PDX1: variants seen among roughly 807,000 people sequenced by gnomAD.
PDX1 encodes the protein pancreatic and duodenal homeobox 1.
In PDX1, 7 loss-of-function variants were observed where a neutral mutation model predicts 11.1. The ratio of observed to expected loss-of-function variants is 0.63; its 90% confidence interval spans 0.36 to 1.19. PDX1 has a LOEUF of 1.19. Ranked by LOEUF, PDX1 falls within the 50% of genes most tolerant of loss-of-function variation. The pLI, the probability that PDX1 is intolerant of heterozygous loss-of-function variation, is 0.02. For synonymous variants in PDX1, 232 were observed against 196.2 expected (o/e 1.18, Z -1.53); for missense variants, 449 against 412.1 (o/e 1.09, Z -0.78).
intron 1 of PDX1, among the ~76,000 whole-genome samples, chr13:27,921,444 C>G (rs1957786620): frequency 1.3e-5 from 2 of 152,360 alleles, no homozygotes; most frequent in Admixed American, 6.5e-5. Flanking sequence ...CGGCCCCGCG[C>G]GAGCGGCAAG....
Position 27,920,430 on chromosome 13 carries a change from G to T in PDX1, c.292G>T (p.Gly98Trp). The change falls in exon 1 of 2, where the codon GGG becomes TGG. Residue 98 changes from glycine (G) to tryptophan (W), a missense_variant. Gly to Trp is a radical substitution (Grantham distance 184). Transcript: ENST00000381033. Reference protein sequence around the residue: ...AQLALPHPPAGPFPEGAEPGV... With the variant: ...AQLALPHPPAWPFPEGAEPGV... ...GCTCGCGCTCCCCCACCCGCCCGCC[G>T]GGCCCTTCCCGGAGGGAGCCGAGCC... The T allele has an allele frequency of 6.3e-7, 1 of 1,576,542 alleles. No homozygotes were observed. Among genetic ancestry groups the T allele is most frequent in the Non-Finnish European group, 8.6e-7 (1 of 1,161,354 alleles).
At chr13:27,920,592 C>G (rs745673876) in intron 1 of PDX1, 48 bp downstream of exon 1, 2 of 1,591,862 alleles carry the variant, frequency 1.3e-6, no homozygotes, top group Non-Finnish European at 8.6e-7. Flanking sequence ...CTCACCCGGC[C>G]GCCTTACCTC....
intron 1 of PDX1, among the ~76,000 whole-genome samples, chr13:27,922,986 G>A (rs1957798804): frequency 6.6e-6 from 1 of 152,236 alleles, no homozygotes; most frequent in African/African-American, 2.4e-5. Context: ...TTCTCGACCT[G>A]GGGGGAAACC....
chr13:27,920,208 C>G lies in PDX1; in HGVS notation c.70C>G (p.Pro24Ala). Residue 24 changes from proline (P) to alanine (A), a missense_variant, in exon 1 of 2, where the codon CCG becomes GCG. This residue lies in a region of PDX1 where 263 missense variants were observed against 212.5 expected (regional missense o/e 1.24). Transcript: ENST00000381033. ...GGACCCATGCGCGTTCCAGCGAGGC[C>G]CGGCGCCGGAGTTCAGCGCCAGCCC... The part of the protein sequence containing the change: ...YKDPCAFQRG[P>A]APEFSASPPA... 2 of 1,549,438 alleles carry G rather than the reference C, an allele frequency of 1.3e-6. No homozygotes were observed. The highest frequency in any genetic ancestry group is 1.7e-6 in the Non-Finnish European group (2 of 1,146,502).
Position 27,924,823 on chromosome 13 carries a change from GCCCA to G in PDX1, c.*125_*128del. On this transcript the variant is annotated 3_prime_UTR_variant, in exon 2 of 2. Coordinates refer to ENST00000381033, the MANE Select transcript of PDX1 (RefSeq NM_000209.4). This position sits in a 1 kb window ranked among gnomAD's most constrained non-coding sequence, Gnocchi z 4.8. ...AGTTGAATGGGGCGGCAATTGCGGG[GCCCA>G]CCTTAGACCGAAGGGGAAAACCCGC... The G allele has an allele frequency of 2.4e-6, 2 of 832,308 alleles. No individual in the cohort carries two copies. Among genetic ancestry groups the G allele is most frequent in the Non-Finnish European group, 3.3e-6 (2 of 605,554 alleles). The allele number at this position is 832,308 out of a possible 1,614,324, so 51.6% of individuals were successfully genotyped here.
At position 27,920,046 on chromosome 13, in the gene PDX1, T is replaced by A; in HGVS notation, c.-93T>A. ...AAGCGAGCAGGGGTGGCGCCGGGAG[T>A]GGGAACGCCACACAGTGCCAAATCC... On this transcript the variant is annotated 5_prime_UTR_variant, in exon 1 of 2. Coordinates refer to ENST00000381033, the MANE Select transcript of PDX1 (RefSeq NM_000209.4). 1 of 1,468,360 alleles carries A rather than the reference T, an allele frequency of 6.8e-7. No homozygotes were observed. Among genetic ancestry groups the A allele is most frequent in the South Asian group, 1.2e-5 (1 of 82,296 alleles). 91.0% of individuals were successfully genotyped at this position (1,468,360 alleles called of 1,614,324 possible).
rs371525768 is a variant in PDX1, at chr13:27,924,546, G to T, written c.697G>T (p.Glu233Ter). ...GCAGGACTGCGCCGTGACCTCCGGC[G>T]AGGAGCTTCTGGCGCTGCCGCCGCC... ...PEQDCAVTSG[E>*]ELLALPPPPP... Residue 233 changes from glutamate (E) to a stop codon, truncating the protein, a stop_gained, in exon 2 of 2, where the codon GAG (glutamate) becomes TAG (stop). Coordinates refer to ENST00000381033, the MANE Select transcript of PDX1 (RefSeq NM_000209.4). LOFTEE classifies it low-confidence loss of function (END_TRUNC). The surrounding 1 kb of genome is among the most constrained non-coding windows in gnomAD (Gnocchi z 4.8). 60 of 1,577,248 alleles carry T rather than the reference G, an allele frequency of 3.8e-5. No individual in the cohort carries two copies. The highest frequency in any genetic ancestry group is 5.0e-5 in the Non-Finnish European group (58 of 1,164,106).
rs1375644348 is a variant in PDX1, at chr13:27,924,599, C to T, written c.750C>T (p.Pro250=). Residue 250 remains proline, a synonymous_variant, in exon 2 of 2, where the codon CCC becomes CCT. Coordinates refer to ENST00000381033, the MANE Select transcript of PDX1 (RefSeq NM_000209.4). This position sits in a 1 kb window ranked among gnomAD's most constrained non-coding sequence, Gnocchi z 4.8. The part of the protein sequence containing the change: ...PPPPPGGAVP[P]AAPVAAREGR... ...CGCCCCCCGGAGGTGCTGTGCCGCC[C>T]GCTGCCCCCGTTGCCGCCCGAGAGG... 1.4e-5 allele frequency: 20 copies of T among 1,462,430 alleles called. No individual in the cohort carries two copies. The highest frequency in any genetic ancestry group is 1.7e-5 in the Non-Finnish European group (19 of 1,112,964). The allele number at this position is 1,462,430 out of a possible 1,614,324, so 90.6% of individuals were successfully genotyped here. A position where few individuals can be genotyped will look rare whatever the true frequency, so the allele number is the denominator to read the frequency against.
chr13:27,922,200 G>GAAGCCAGAAAGTA (rs774943451), intron 1 of PDX1, among the ~76,000 whole-genome samples: 25 of 152,368 alleles, frequency 1.6e-4, no homozygotes, highest in Admixed American at 3.3e-4. Context: ...GCTGACCCAA[G>GAAGCCAGAAAGTA]AAGCCAGAAA....
intron 1 of PDX1, 24 bp downstream of exon 1, chr13:27,920,568 T>C: frequency 6.2e-7 from 1 of 1,612,088 alleles, no homozygotes; most frequent in Non-Finnish European, 8.5e-7. Flanking sequence ...CCCACCCCTT[T>C]CTCCTTTCCG....
Position 27,920,307 on chromosome 13 carries a change from C to T in PDX1, c.169C>T (p.Leu57=). ...CCCGTTCCCTGGCGCCCTGGGCGCG[C>T]TGGAGCAGGGCAGCCCCCCGGACAT... ...PHPFPGALGA[L]EQGSPPDISP... Residue 57 remains leucine (L), a synonymous_variant, in exon 1 of 2, where the codon CTG becomes TTG. Coordinates refer to ENST00000381033, the MANE Select transcript of PDX1 (RefSeq NM_000209.4). 6.5e-7 allele frequency: 1 copy of T among 1,539,290 alleles called. No homozygotes were observed.
In PDX1 at chr13:27,920,719, G is replaced by C. The variant is rs144676231; in HGVS notation, c.406+175G>C. Among the ~76,000 whole-genome samples the C allele has an allele frequency of 1.7e-3, 263 of 152,328 alleles. 2 individuals carry two copies. The highest frequency in any genetic ancestry group is 6.8e-3 in the Middle Eastern group (2 of 294). The stretch of plus-strand genomic sequence containing the variant: ...CTCACAGCAGTGCTTCTCTAGTCCA[G>C]TTTGAAGCATCTTTCCCACCCAGCT... On this transcript the variant is annotated intron_variant, in intron 1 of 1. Coordinates refer to ENST00000381033, the MANE Select transcript of PDX1 (RefSeq NM_000209.4).
intron 1 of PDX1, among the ~76,000 whole-genome samples, chr13:27,921,567 C>T (rs957436450): frequency 2.0e-5 from 3 of 152,200 alleles, no homozygotes; most frequent in African/African-American, 7.2e-5. Context: ...AACTGGCAGC[C>T]GGGAGTAGGG....
At position 27,924,763 on chromosome 13, in the gene PDX1, T is replaced by C. The variant is rs1234487424; in HGVS notation, c.*62T>C. ...ACTCGCCGAGGAGGAGCAGAGGGCCTAGGAGGACCCCGGGCGTGGACCACC... is the reference window on the plus strand; with the variant it reads ...ACTCGCCGAGGAGGAGCAGAGGGCCCAGGAGGACCCCGGGCGTGGACCACC... On this transcript the variant is annotated 3_prime_UTR_variant, in exon 2 of 2. Transcript: ENST00000381033. The surrounding 1 kb of genome is among the most constrained non-coding windows in gnomAD (Gnocchi z 4.8). The C allele has an allele frequency of 1.5e-6, 2 of 1,321,370 alleles. No homozygotes were observed. Among genetic ancestry groups the C allele is most frequent in the East Asian group, 6.2e-5 (2 of 32,088 alleles). The allele number at this position is 1,321,370 out of a possible 1,614,324, so 81.9% of individuals were successfully genotyped here.
At chr13:27,923,460 T>C (rs1957801950) in intron 1 of PDX1, among the ~76,000 whole-genome samples, 1 of 152,206 alleles carries the variant, frequency 6.6e-6, no homozygotes, top group Admixed American at 6.5e-5. Flanking sequence ...AGAACAATAT[T>C]CCTTCACTTC....
At position 27,920,265 on chromosome 13, in the gene PDX1, C is replaced by T; in HGVS notation, c.127C>T (p.Pro43Ser). 2.0e-6 allele frequency: 3 copies of T among 1,516,094 alleles called. No individual in the cohort carries two copies. Among genetic ancestry groups the T allele is most frequent in the East Asian group, 2.6e-5 (1 of 39,064 alleles). 93.9% of individuals were successfully genotyped at this position (1,516,094 alleles called of 1,614,324 possible). Residue 43 changes from proline to serine, a missense_variant, in exon 1 of 2, where the codon CCG becomes TCG. Physicochemically the swap from Pro to Ser is moderately conservative, Grantham distance 74. Transcript: ENST00000381033. ...PACLYMGRQP[P>S]PPPPHPFPGA... is the part of the protein sequence containing the mutation. ...GTGCCTGTACATGGGCCGCCAGCCC[C>T]CGCCGCCGCCGCCGCACCCGTTCCC... is the stretch of plus-strand genomic sequence containing the variant.
rs1957808457 is a variant in PDX1 at position 27,924,293 on chromosome 13, GACGCGCACGGCCTACAC to G, written c.445_461del (p.Thr149AlafsTer70). On this transcript the variant is annotated frameshift_variant, in exon 2 of 2. Transcript: ENST00000381033. LOFTEE classifies it low-confidence loss of function (END_TRUNC). The surrounding 1 kb of genome is among the most constrained non-coding windows in gnomAD (Gnocchi z 4.8). ...CTGCGGAGCCGGAGGAGAACAAGCG[GACGCGCACGGCCTACAC>G]GCGCGCACAGCTGCTAGAGCTGGAG... 6.2e-7 allele frequency: 1 copy of G among 1,609,726 alleles called. No homozygotes were observed. The highest frequency in any genetic ancestry group is 1.7e-5 in the Admixed American group (1 of 59,908).
In PDX1 at chr13:27,920,593, G is replaced by A. The variant is rs1431528568; in HGVS notation, c.406+49G>A. 1.9e-6 allele frequency: 3 copies of A among 1,591,336 alleles called. No individual in the cohort carries two copies. The East Asian group carries it at 6.7e-5, about 36-fold the overall frequency. Reference sequence around the variant, plus strand: ...TCTCCTTTCCGGTTCTCACCCGGCCGCCTTACCTCCAAGCGCTCCCAGGAG... The same window carrying A: ...TCTCCTTTCCGGTTCTCACCCGGCCACCTTACCTCCAAGCGCTCCCAGGAG... On this transcript the variant is annotated intron_variant, in intron 1 of 1. Coordinates refer to ENST00000381033, the MANE Select transcript of PDX1 (RefSeq NM_000209.4).
rs956814094 is a variant in PDX1 at position 27,924,842 on chromosome 13, G to C, written c.*141G>C. ...TGCGGGGCCCACCTTAGACCGAAGGGGAAAACCCGCTCTCTCAGGCGCATG... is the reference window on the plus strand; with the variant it reads ...TGCGGGGCCCACCTTAGACCGAAGGCGAAAACCCGCTCTCTCAGGCGCATG... On this transcript the variant is annotated 3_prime_UTR_variant, in exon 2 of 2. Coordinates refer to ENST00000381033, the MANE Select transcript of PDX1 (RefSeq NM_000209.4). The surrounding 1 kb of genome is among the most constrained non-coding windows in gnomAD (Gnocchi z 4.8). The C allele has an allele frequency of 1.9e-5, 13 of 675,466 alleles. No individual in the cohort carries two copies. Among genetic ancestry groups the C allele is most frequent in the Non-Finnish European group, 2.1e-5 (10 of 471,106 alleles). 41.8% of individuals were successfully genotyped at this position (675,466 alleles called of 1,614,324 possible).
Sources: allele counts gnomAD v4.1 joint callset (sites outside exome capture counted in the v4.1 genomes callset), GRCh38; gene constraint gnomAD v4.1.1; regional missense constraint gnomAD v4.1.1; non-coding constraint Gnocchi (gnomAD v3.1); transcripts MANE v1.5; gene names NCBI Gene and HGNC (gene_info 2026-07-23, HGNC 2026-07-21).